Variants in ELMO1 observed in about 807,000 individuals in gnomAD.
The protein encoded by ELMO1 is engulfment and cell motility protein 1.
Under a neutral mutation model 98.9 loss-of-function variants are expected in ELMO1, and 26 were observed. The ratio of observed to expected loss-of-function variants is 0.26; its 90% confidence interval spans 0.19 to 0.36. ELMO1 has a LOEUF of 0.36. Among genes scored for constraint, ELMO1 ranks in the 10% least tolerant of loss-of-function variants. ELMO1 has a pLI of 1.00. For missense variants in ELMO1, 627 were observed against 935.2 expected (o/e 0.67, Z 4.30); for synonymous variants, 346 against 346.0 (o/e 1.00, Z 0.00).
At chr7:37,017,451 T>C (rs1405226556) in intron 15 of ELMO1, among the ~76,000 whole-genome samples, 1 of 152,152 alleles carries the variant, frequency 6.6e-6, no homozygotes, top group Non-Finnish European at 1.5e-5. Flanking sequence ...AATTTGCGCC[T>C]CCCTTGTGAT....
chr7:37,244,528 TTTC>T, intron 6 of ELMO1, 137 bp from the exon 7 acceptor site: 1 of 808,470 alleles, frequency 1.2e-6, no homozygotes, highest in South Asian at 1.7e-5. Context: ...ATTTTATCCA[TTTC>T]AAGACATCAT....
intron 1 of ELMO1, among the ~76,000 whole-genome samples, chr7:37,416,014 T>G (rs781345349): frequency 3.9e-5 from 6 of 152,242 alleles, no homozygotes; most frequent in Admixed American, 6.5e-5. Context: ...AAAACCAGCA[T>G]TTCAGATTAT....
intron 16 of ELMO1, among the ~76,000 whole-genome samples, chr7:37,005,129 A>G (rs967102885): frequency 8.1e-5 from 12 of 148,728 alleles, no homozygotes; most frequent in East Asian, 3.9e-4. Flanking sequence ...AAAAAAAAAA[A>G]AAAGAAAAAA....
intron 4 of ELMO1, among the ~76,000 whole-genome samples, chr7:37,290,513 C>T (rs72624212): frequency 0.064 from 9,673 of 152,150 alleles, 367 homozygotes; most frequent in South Asian, 0.13. Context: ...TCAATAAGAG[C>T]TATATAAACA....
intron 16 of ELMO1, among the ~76,000 whole-genome samples, chr7:36,907,779 T>C (rs991467039): frequency 2.2e-4 from 34 of 152,216 alleles, no homozygotes; most frequent in African/African-American, 8.0e-4. Flanking sequence ...CTCTCTCCCA[T>C]GCCAATGGCA....
At chr7:37,132,562 C>G (rs1015320843) in intron 14 of ELMO1, among the ~76,000 whole-genome samples, 3 of 152,178 alleles carry the variant, frequency 2.0e-5, no homozygotes. Flanking sequence ...GCCAGCAATG[C>G]CCAGTCAGCG....
chr7:36,973,260 T>G (rs897989639), intron 16 of ELMO1, among the ~76,000 whole-genome samples: 2 of 152,240 alleles, frequency 1.3e-5, no homozygotes, highest in African/African-American at 2.4e-5. Flanking sequence ...TTCTGCCTCC[T>G]GGAGCGAGAC....
At chr7:37,186,526 G>A (rs1036870789) in intron 13 of ELMO1, among the ~76,000 whole-genome samples, 3 of 152,092 alleles carry the variant, frequency 2.0e-5, no homozygotes, top group Admixed American at 2.0e-4. Flanking sequence ...AAAGTGGGAA[G>A]GCAATCCACA....
At chr7:37,130,140 T>C (rs780941502) in intron 14 of ELMO1, among the ~76,000 whole-genome samples, 3 of 152,168 alleles carry the variant, frequency 2.0e-5, no homozygotes, top group Non-Finnish European at 4.4e-5. Context: ...GTTCCCAGCA[T>C]ACTCAATCAA....
chr7:37,020,158 G>C (rs1186330729), intron 15 of ELMO1, among the ~76,000 whole-genome samples: 1 of 152,172 alleles, frequency 6.6e-6, no homozygotes, highest in Non-Finnish European at 1.5e-5. Flanking sequence ...CTGGGCTCCA[G>C]ATTTCCTACC....
At chr7:37,317,516 G>T (rs745868689) in intron 2 of ELMO1, among the ~76,000 whole-genome samples, 3 of 152,196 alleles carry the variant, frequency 2.0e-5, no homozygotes, top group African/African-American at 4.8e-5. Context: ...CCTGTCATTT[G>T]CAATAACATG....
chr7:37,097,466 C>CACAG (rs1369576319), intron 14 of ELMO1, among the ~76,000 whole-genome samples: 1 of 152,084 alleles, frequency 6.6e-6, no homozygotes, highest in Non-Finnish European at 1.5e-5. Flanking sequence ...TGCCTTTAAT[C>CACAG]ACAGCTAGGG....
At chr7:37,404,969 C>T (rs1803693577) in intron 1 of ELMO1, among the ~76,000 whole-genome samples, 1 of 152,090 alleles carries the variant, frequency 6.6e-6, no homozygotes, top group Admixed American at 6.5e-5. Context: ...ATCAGGAGTC[C>T]TCATTGTAAC....
At chr7:37,221,218 A>C (rs1793576436) in intron 10 of ELMO1, among the ~76,000 whole-genome samples, 1 of 152,226 alleles carries the variant, frequency 6.6e-6, no homozygotes, top group Non-Finnish European at 1.5e-5. Flanking sequence ...CTACTTGTGC[A>C]AACACAGCCC....
Position 36,855,561 on chromosome 7 carries a change from T to C in ELMO1, c.2174A>G (p.Asp725Gly). ...KEPSNYDFVY[D>G]CN The stretch of plus-strand genomic sequence containing the variant: ...CTGGGCCCGGCCACTTCAGTTACAG[T>C]CATAGACGAAGTCATAGTTGCTGGG... The change falls in exon 22 of 22, where the codon GAC becomes GGC. Residue 725 changes from aspartate (D) to glycine (G), a missense_variant. Physicochemically the swap from Asp to Gly is moderately conservative, Grantham distance 94. Around this residue, in one of 3 missense-constraint regions of ELMO1, gnomAD observed 492 missense variants for 715.6 expected, o/e 0.69. Transcript: ENST00000310758. The surrounding 1 kb of genome is among the most constrained non-coding windows in gnomAD (Gnocchi z 4.2). The C allele has an allele frequency of 1.2e-6, 2 of 1,614,048 alleles. No homozygotes were observed. Among genetic ancestry groups the C allele is most frequent in the Non-Finnish European group, 1.7e-6 (2 of 1,179,986 alleles).
At chr7:37,233,660 T>A (rs1794305979) in intron 7 of ELMO1, among the ~76,000 whole-genome samples, 1 of 152,230 alleles carries the variant, frequency 6.6e-6, no homozygotes, top group African/African-American at 2.4e-5. Context: ...GCAATGTGCT[T>A]CCTTTATTAC....
At chr7:37,223,448 TC>T (rs1426494318) in intron 9 of ELMO1, among the ~76,000 whole-genome samples, 1 of 152,092 alleles carries the variant, frequency 6.6e-6, no homozygotes, top group Non-Finnish European at 1.5e-5. Context: ...TTCATGAGTA[TC>T]CCCCAAGGCA....
At chr7:37,408,404 G>T (rs1176278176) in intron 1 of ELMO1, among the ~76,000 whole-genome samples, 1 of 152,158 alleles carries the variant, frequency 6.6e-6, no homozygotes, top group African/African-American at 2.4e-5. Context: ...ATTTCAACGA[G>T]ATTCTGCTGT....
chr7:37,066,968 G>C (rs1797012975), intron 15 of ELMO1, among the ~76,000 whole-genome samples: 1 of 152,098 alleles, frequency 6.6e-6, no homozygotes, highest in South Asian at 2.1e-4. Flanking sequence ...CAAGATTTTT[G>C]ACTGATTAGA....
Sources: gnomAD v4.1 joint callset for allele counts (sites outside exome capture counted in the v4.1 genomes callset) on GRCh38, gnomAD v4.1.1 for gene constraint, gnomAD v4.1.1 regional missense constraint, Gnocchi (gnomAD v3.1) non-coding constraint, MANE v1.5 for transcripts, NCBI Gene and HGNC (gene_info 2026-07-23, HGNC 2026-07-21) for gene names.